Variants in COL5A2 observed in about 807,000 individuals in gnomAD.
The protein encoded by COL5A2 is collagen type V alpha 2 chain, also known as collagen alpha-2(V) chain.
COL5A2 carries 23 observed loss-of-function variants against 208.2 expected under a neutral mutation model. The observed-to-expected ratio is 0.11, with a 90% confidence interval of 0.08 to 0.16. COL5A2 has a LOEUF of 0.16. COL5A2 is among the 10% of genes least tolerant of loss of function. COL5A2 has a pLI of 1.00. For missense variants in COL5A2, 1,590 were observed against 1,956.4 expected (o/e 0.81, Z 3.53); for synonymous variants, 625 against 628.5 (o/e 0.99, Z 0.08).
At chr2:189,256,631 CAGAAAAGATTG>C in the COL5A2 span, among the ~76,000 whole-genome samples, 1 of 152,060 alleles carries the variant, frequency 6.6e-6, no homozygotes, top group African/African-American at 2.4e-5. Context: ...CTTTGCAAAT[CAGAAAAGATTG>C]TCCTCATATT....
chr2:189,319,958 G>A, the COL5A2 span, among the ~76,000 whole-genome samples: 4 of 152,320 alleles, frequency 2.6e-5, no homozygotes, highest in Middle Eastern at 3.4e-3. Flanking sequence ...GTACCCCTCT[G>A]AGACAAAACC....
At chr2:189,400,467 T>C in the COL5A2 span, among the ~76,000 whole-genome samples, 1 of 152,318 alleles carries the variant, frequency 6.6e-6, no homozygotes, top group East Asian at 1.9e-4. Flanking sequence ...TTTTCAGTTA[T>C]TTACTTTGAC....
intron 5 of COL5A2, chr2:189,097,538 T>A: frequency 2.9e-6 from 2 of 683,070 alleles, no homozygotes; most frequent in Non-Finnish European, 5.3e-6. Context: ...TTTAAAGACC[T>A]ATGAAGAACT....
chr2:189,351,674 A>G, the COL5A2 span, among the ~76,000 whole-genome samples: 142 of 152,304 alleles, frequency 9.3e-4, no homozygotes, highest in Admixed American at 1.7e-3. Context: ...GGAGAAATAA[A>G]GTAAAATAAA....
chr2:189,068,774 C>T lies in COL5A2; in HGVS notation c.1257+12G>A, dbSNP rs759316090. 3.2e-5 allele frequency: 51 copies of T among 1,593,674 alleles called. No homozygotes were observed. The highest frequency in any genetic ancestry group is 4.0e-5 in the African/African-American group (3 of 74,494). On this transcript the variant is annotated intron_variant, in intron 19 of 53. Coordinates refer to ENST00000374866, the MANE Select transcript of COL5A2 (RefSeq NM_000393.5). ...CTTTCTGGGCTGGTTCTTAAATATG[C>T]TAGAAACTTACAGGAAGACCTGGAG...
the COL5A2 span, among the ~76,000 whole-genome samples, chr2:189,272,824 T>C: frequency 1.3e-5 from 2 of 152,136 alleles, no homozygotes; most frequent in Admixed American, 1.3e-4. Context: ...AGTGTTATTC[T>C]CCACCAGTTT....
the COL5A2 span, among the ~76,000 whole-genome samples, chr2:189,387,062 C>T: frequency 6.6e-6 from 1 of 152,214 alleles, no homozygotes; most frequent in East Asian, 1.9e-4. Context: ...ATGGAATCAA[C>T]CTAGGTGCCC....
intron 1 of COL5A2, among the ~76,000 whole-genome samples, chr2:189,188,972 C>T (rs1457233273): frequency 1.3e-5 from 2 of 152,110 alleles, no homozygotes; most frequent in Non-Finnish European, 2.9e-5. Context: ...CTCTTCTACA[C>T]CTTCAGTGAA....
the COL5A2 span, among the ~76,000 whole-genome samples, chr2:189,323,675 C>T: frequency 2.0e-5 from 3 of 152,184 alleles, no homozygotes; most frequent in East Asian, 1.9e-4. Context: ...TAAAAGAGGA[C>T]ACAAACAAAT....
At chr2:189,256,387 G>A in the COL5A2 span, among the ~76,000 whole-genome samples, 8 of 152,192 alleles carry the variant, frequency 5.3e-5, no homozygotes, top group Middle Eastern at 6.8e-3. Context: ...ATTACCCAAG[G>A]CTTCTCTTCT....
chr2:189,187,179 C>T (rs1688863612), intron 1 of COL5A2, among the ~76,000 whole-genome samples: 1 of 152,156 alleles, frequency 6.6e-6, no homozygotes. Flanking sequence ...TACAATAACT[C>T]AGTGAAATAA....
At chr2:189,335,938 A>G in the COL5A2 span, among the ~76,000 whole-genome samples, 3 of 152,192 alleles carry the variant, frequency 2.0e-5, no homozygotes, top group African/African-American at 7.2e-5. Context: ...TTTTCTAAAA[A>G]GGAAATCATT....
At chr2:189,386,789 A>T in the COL5A2 span, among the ~76,000 whole-genome samples, 1 of 152,196 alleles carries the variant, frequency 6.6e-6, no homozygotes, top group African/African-American at 2.4e-5. Flanking sequence ...ATTTCACGCC[A>T]GTCAGAATGG....
chr2:189,120,272 G>C (rs1687474054), intron 1 of COL5A2, among the ~76,000 whole-genome samples: 1 of 152,028 alleles, frequency 6.6e-6, no homozygotes, highest in Admixed American at 6.6e-5. Context: ...TATTTCACTA[G>C]TGCATTCTGG....
chr2:189,050,442 G>T lies in COL5A2; in HGVS notation c.3039+127C>A. 3 of 759,158 alleles carry T rather than the reference G, an allele frequency of 4.0e-6. No individual in the cohort carries two copies. In the South Asian group the frequency reaches 4.8e-5, roughly 12 times the overall value. 47.0% of individuals were successfully genotyped at this position (759,158 alleles called of 1,614,324 possible). ...ATTTAAGATCAAAAGATTTTTAAGA[G>T]ACTCAAAAATTAATGTCCCTACAAT... On this transcript the variant is annotated intron_variant, in intron 43 of 53. Transcript: ENST00000374866.
At chr2:189,259,507 C>T in the COL5A2 span, among the ~76,000 whole-genome samples, 1 of 152,088 alleles carries the variant, frequency 6.6e-6, no homozygotes, top group Admixed American at 6.6e-5. Flanking sequence ...AATATGATTA[C>T]CCATGTATTT....
the COL5A2 span, among the ~76,000 whole-genome samples, chr2:189,432,866 A>C: frequency 4.4e-4 from 67 of 152,312 alleles, no homozygotes; most frequent in African/African-American, 1.5e-3. Context: ...ACCCCAAATC[A>C]AAAGAATATA....
At chr2:189,185,539 A>G (rs531660806) in intron 1 of COL5A2, among the ~76,000 whole-genome samples, 1 of 152,322 alleles carries the variant, frequency 6.6e-6, no homozygotes, top group African/African-American at 2.4e-5. Context: ...CTAGAAAAAA[A>G]ATGAGAAATT....
the COL5A2 span, among the ~76,000 whole-genome samples, chr2:189,368,804 C>T: frequency 1.3e-5 from 2 of 152,158 alleles, no homozygotes; most frequent in Admixed American, 6.5e-5. Flanking sequence ...CGGATTTCTA[C>T]ACCCTACCCA....
Sources: allele counts gnomAD v4.1 joint callset (sites outside exome capture counted in the v4.1 genomes callset), GRCh38; gene constraint gnomAD v4.1.1; transcripts MANE v1.5; gene names NCBI Gene and HGNC (gene_info 2026-07-23, HGNC 2026-07-21).